The following WNT3 variants were observed in gnomAD, a reference collection of about 807,000 sequenced individuals.
WNT3 encodes Wnt family member 3, also known as proto-oncogene Wnt-3.
Under a neutral mutation model 34.2 loss-of-function variants are expected in WNT3, and 7 were observed. The ratio of observed to expected loss-of-function variants is 0.20; its 90% CI spans 0.12 to 0.38. WNT3 has a LOEUF of 0.38. WNT3 is among the 10% of genes least tolerant of loss of function. The pLI, the probability that WNT3 is intolerant of heterozygous loss-of-function variation, is 1.00. For synonymous variants in WNT3, 212 were observed against 211.5 expected (o/e 1.00, Z -0.02); for missense variants, 267 against 499.8 (o/e 0.53, Z 4.44).
At position 46,786,161 on chromosome 17, in the gene WNT3, TC is replaced by T. The variant is rs555959534; in HGVS notation, c.81-12253del. On this transcript the variant is annotated intron_variant, in intron 1 of 4. Coordinates refer to ENST00000225512, the MANE Select transcript of WNT3 (RefSeq NM_030753.5). ...ATTGTTGCCTTCAGCCAAATTGTGGTCCGGGGCATGGAGCAGTCTGGTGGGA... is the reference window on the plus strand; with the variant it reads ...ATTGTTGCCTTCAGCCAAATTGTGGTCGGGGCATGGAGCAGTCTGGTGGGA... Among the ~76,000 whole-genome samples the T allele has an allele frequency of 5.9e-3, 851 of 144,898 alleles. 7 individuals are homozygous for T. Among genetic ancestry groups the T allele is most frequent in the Middle Eastern group, 0.024 (6 of 246 alleles).
intron 1 of WNT3, among the ~76,000 whole-genome samples, chr17:46,809,950 T>G (rs956224341): frequency 2.6e-5 from 4 of 151,994 alleles, no homozygotes; most frequent in Non-Finnish European, 5.9e-5. Context: ...AGGTCCATTC[T>G]TAGCACTGTC....
intron 1 of WNT3, among the ~76,000 whole-genome samples, chr17:46,807,569 T>C (rs2084214068): frequency 6.6e-6 from 1 of 152,210 alleles, no homozygotes; most frequent in Non-Finnish European, 1.5e-5. Flanking sequence ...ACCAACTCCC[T>C]CCCAGAGCAA....
chr17:46,772,751 G>A (rs1186691478), intron 2 of WNT3, among the ~76,000 whole-genome samples: 1 of 152,234 alleles, frequency 6.6e-6, no homozygotes, highest in East Asian at 1.9e-4. Flanking sequence ...CTAAAATGGG[G>A]GTTGTCAGCT....
intron 1 of WNT3, among the ~76,000 whole-genome samples, chr17:46,783,774 C>T (rs2059481099): frequency 6.6e-6 from 1 of 152,164 alleles, no homozygotes; most frequent in African/African-American, 2.4e-5. Flanking sequence ...GGGGGACAGC[C>T]CCAGGCAAGG....
chr17:46,810,646 G>A (rs1425235521), intron 1 of WNT3, among the ~76,000 whole-genome samples: 1 of 152,074 alleles, frequency 6.6e-6, no homozygotes, highest in East Asian at 1.9e-4. Flanking sequence ...GTAGAGTTTA[G>A]AGCTCTGCAC....
intron 4 of WNT3, 122 bp from the exon 5 acceptor site, chr17:46,764,743 G>A (rs1453079005): frequency 6.6e-6 from 1 of 152,266 alleles, no homozygotes; most frequent in African/African-American, 2.4e-5. Flanking sequence ...CAGAGGTGAT[G>A]AGGACTTGGG....
chr17:46,785,183 T>C (rs1372283041), intron 1 of WNT3, among the ~76,000 whole-genome samples: 1 of 152,182 alleles, frequency 6.6e-6, no homozygotes, highest in Non-Finnish European at 1.5e-5. Flanking sequence ...GCCCTAACCA[T>C]GCTCCTGTTA....
In WNT3 at chr17:46,769,975, G is replaced by A. The variant is rs1370246340; in HGVS notation, c.396C>T (p.Ala132=). 3.1e-6 allele frequency: 5 copies of A among 1,611,098 alleles called. No homozygotes were observed. Among genetic ancestry groups the A allele is most frequent in the Admixed American group, 3.4e-5 (2 of 59,678 alleles). ...GVAFAVTRSC[A]EGTSTICGCD... Reference sequence around the variant, plus strand: ...AGCCGCAAATGGTGGAGGTGCCCTCGGCGCAGGAGCGGGTGACGGCGAAGG... The same window carrying A: ...AGCCGCAAATGGTGGAGGTGCCCTCAGCGCAGGAGCGGGTGACGGCGAAGG... Residue 132 remains alanine (A), a synonymous_variant, in exon 3 of 5, where the codon GCC becomes GCT. Coordinates refer to ENST00000225512, the MANE Select transcript of WNT3 (RefSeq NM_030753.5).
intron 1 of WNT3, among the ~76,000 whole-genome samples, chr17:46,813,782 A>G (rs1364440677): frequency 6.6e-6 from 1 of 152,184 alleles, no homozygotes; most frequent in African/African-American, 2.4e-5. Context: ...GACTTCTTCC[A>G]ATTCTACATC....
chr17:46,796,554 T>C (rs1028476006), intron 1 of WNT3, among the ~76,000 whole-genome samples: 1 of 152,194 alleles, frequency 6.6e-6, no homozygotes, highest in African/African-American at 2.4e-5. Flanking sequence ...AGAGATCCCA[T>C]CTGTATGTCC....
chr17:46,768,197 G>C lies in WNT3; in HGVS notation c.*8+115C>G. On this transcript the variant is annotated intron_variant, in intron 4 of 4. Coordinates refer to ENST00000225512, the MANE Select transcript of WNT3 (RefSeq NM_030753.5). This position sits in a 1 kb window ranked among gnomAD's most constrained non-coding sequence, Gnocchi z 5.0. ...CTTCCTATTTTGGCTGTGGGAACTT[G>C]TGTGTCTTGGATAGCTTAGAAACAG... is the stretch of plus-strand genomic sequence containing the variant. 1 of 1,468,700 alleles carries C rather than the reference G, an allele frequency of 6.8e-7. No homozygotes were observed. The highest frequency in any genetic ancestry group is 1.4e-5 in the African/African-American group (1 of 71,822). 91.0% of individuals were successfully genotyped at this position (1,468,700 alleles called of 1,614,324 possible).
At chr17:46,786,061 A>G (rs1288998971) in intron 1 of WNT3, among the ~76,000 whole-genome samples, 1 of 33,524 alleles carries the variant, frequency 3.0e-5, no homozygotes, top group East Asian at 1.9e-3. Context: ...TTTCTTACCC[A>G]CCCCCCCACC....
At chr17:46,810,711 G>A (rs969942302) in intron 1 of WNT3, among the ~76,000 whole-genome samples, 4 of 152,010 alleles carry the variant, frequency 2.6e-5, no homozygotes, top group Non-Finnish European at 4.4e-5. Flanking sequence ...ACCAGGCACA[G>A]ATGGTCCAAA....
intron 1 of WNT3, among the ~76,000 whole-genome samples, chr17:46,816,234 A>G (rs1415255986): frequency 1.3e-5 from 2 of 151,608 alleles, no homozygotes; most frequent in African/African-American, 4.9e-5. Context: ...TACATGGGCA[A>G]AGATACTTCT....
At chr17:46,806,135 C>T (rs1032205075) in intron 1 of WNT3, among the ~76,000 whole-genome samples, 1 of 151,946 alleles carries the variant, frequency 6.6e-6, no homozygotes, top group African/African-American at 2.4e-5. Flanking sequence ...CACTTGCTTC[C>T]GAGCTCCTTA....
chr17:46,797,861 A>T (rs1038178703), intron 1 of WNT3, among the ~76,000 whole-genome samples: 4 of 152,228 alleles, frequency 2.6e-5, no homozygotes, highest in Non-Finnish European at 5.9e-5. Flanking sequence ...GTATAACACC[A>T]TTTTTATAAT....
In WNT3 at chr17:46,768,348, C is replaced by T. The variant is rs778399124; in HGVS notation, c.1040G>A (p.Arg347His). ...CTTGCAGGTGTGCACGTCGTAGATG[C>T]GAATACACTCCTGGCAGCTGACGTA... ...CCYVSCQECIRIYDVHTCK is the reference protein window; with the variant it reads ...CCYVSCQECIHIYDVHTCK Residue 347 changes from arginine (R) to histidine (H), a missense_variant, in exon 4 of 5, where the codon CGC (arginine) becomes CAC (histidine). Arg to His is a conservative substitution (Grantham distance 29). This residue lies in a region of WNT3 where 60 missense variants were observed against 82.7 expected (regional missense o/e 0.73). Coordinates refer to ENST00000225512, the MANE Select transcript of WNT3 (RefSeq NM_030753.5). The surrounding 1 kb of genome is among the most constrained non-coding windows in gnomAD (Gnocchi z 5.0). 3.7e-6 allele frequency: 6 copies of T among 1,613,778 alleles called. No homozygotes were observed. The highest frequency in any genetic ancestry group is 2.2e-5 in the East Asian group (1 of 44,882).
At chr17:46,772,734 C>T (rs2059384649) in intron 2 of WNT3, among the ~76,000 whole-genome samples, 1 of 152,192 alleles carries the variant, frequency 6.6e-6, no homozygotes. Flanking sequence ...TAAAGGGGAA[C>T]TGCACTCTAA....
chr17:46,768,236 A>C lies in WNT3; in HGVS notation c.*8+76T>G. On this transcript the variant is annotated intron_variant, in intron 4 of 4. Coordinates refer to ENST00000225512, the MANE Select transcript of WNT3 (RefSeq NM_030753.5). The surrounding 1 kb of genome is among the most constrained non-coding windows in gnomAD (Gnocchi z 5.0). ...GCTTAGAAACAGAAGGGGGTCGTCA[A>C]GAAGACGAGATGGGCAAACAACCCC... 1 of 1,594,090 alleles carries C rather than the reference A, an allele frequency of 6.3e-7. No individual in the cohort carries two copies. The highest frequency in any genetic ancestry group is 8.5e-7 in the Non-Finnish European group (1 of 1,170,702).
Sources: allele counts gnomAD v4.1 joint callset (sites outside exome capture counted in the v4.1 genomes callset), GRCh38; gene constraint gnomAD v4.1.1; regional missense constraint gnomAD v4.1.1; non-coding constraint Gnocchi (gnomAD v3.1); transcripts MANE v1.5; gene names NCBI Gene and HGNC (gene_info 2026-07-23, HGNC 2026-07-21).